The following MACROD1 variants were observed in gnomAD, a reference collection of about 807,000 sequenced individuals.
MACROD1 encodes the protein ADP-ribose glycohydrolase MACROD1.
A neutral mutation model predicts 41.4 loss-of-function variants in MACROD1; 31 were observed. The ratio of observed to expected loss-of-function variants is 0.75; its 90% CI spans 0.56 to 1.01. MACROD1 has a LOEUF of 1.01. Ranked by LOEUF, MACROD1 falls within the 50% of genes least tolerant of loss-of-function variation. The probability of loss-of-function intolerance (pLI) is 0.00; values close to 1 mark genes in which losing one functional copy is unlikely to be tolerated. For missense variants in MACROD1, 473 were observed against 460.0 expected (o/e 1.03, Z -0.26); for synonymous variants, 252 against 203.4 (o/e 1.24, Z -2.03).
intron 1 of MACROD1, among the ~76,000 whole-genome samples, chr11:64,155,832 G>A (rs1430741705): frequency 6.6e-6 from 1 of 151,958 alleles, no homozygotes; most frequent in Non-Finnish European, 1.5e-5. Flanking sequence ...TGAGCGGCCG[G>A]GCATGGTGGC....
At chr11:64,109,183 C>T (rs937244005) in intron 3 of MACROD1, among the ~76,000 whole-genome samples, 1 of 152,086 alleles carries the variant, frequency 6.6e-6, no homozygotes, top group African/African-American at 2.4e-5. Flanking sequence ...TCCAGAAGCT[C>T]CTGGGACATG....
intron 3 of MACROD1, among the ~76,000 whole-genome samples, chr11:64,047,136 A>G (rs938608093): frequency 2.6e-5 from 4 of 151,700 alleles, no homozygotes; most frequent in Admixed American, 2.0e-4. Context: ...TGGCTGCCTC[A>G]TGAAAGGCGG....
At chr11:64,047,042 C>T (rs1248914003) in intron 3 of MACROD1, among the ~76,000 whole-genome samples, 4 of 151,070 alleles carry the variant, frequency 2.6e-5, no homozygotes, top group Admixed American at 2.0e-4. Context: ...CGCCCCAGTG[C>T]CCCCCCCGGC....
intron 3 of MACROD1, among the ~76,000 whole-genome samples, chr11:64,053,639 G>A (rs1444412391): frequency 6.6e-6 from 1 of 152,162 alleles, no homozygotes; most frequent in Non-Finnish European, 1.5e-5. Context: ...TCTACAGGGG[G>A]CAGCTGGCTC....
At chr11:64,134,962 G>A (rs2134666276) in intron 3 of MACROD1, among the ~76,000 whole-genome samples, 1 of 152,336 alleles carries the variant, frequency 6.6e-6, no homozygotes, top group African/African-American at 2.4e-5. Flanking sequence ...AGATTTGTGT[G>A]GGTTGCTGGG....
chr11:64,023,179 A>T (rs964361684), intron 3 of MACROD1, among the ~76,000 whole-genome samples: 1 of 152,124 alleles, frequency 6.6e-6, no homozygotes, highest in Non-Finnish European at 1.5e-5. Flanking sequence ...ATCTTTGACC[A>T]TCATCTTTGC....
In MACROD1 at chr11:64,117,607, C is replaced by T. The variant is rs779400742; in HGVS notation, c.517+33632G>A. On this transcript the variant is annotated intron_variant, in intron 3 of 10. Coordinates refer to ENST00000255681, the MANE Select transcript of MACROD1 (RefSeq NM_014067.4). Reference sequence around the variant, plus strand: ...CTGGCCATCCACGTGAAGGCCCTGACGGCAGACTCCATCCGCATCACGTGG... The same window carrying T: ...CTGGCCATCCACGTGAAGGCCCTGATGGCAGACTCCATCCGCATCACGTGG... 7 of 1,613,568 alleles carry T rather than the reference C, an allele frequency of 4.3e-6. No homozygotes were observed. The highest frequency in any genetic ancestry group is 3.3e-5 in the Admixed American group (2 of 59,992).
intron 3 of MACROD1, among the ~76,000 whole-genome samples, chr11:64,069,081 G>A (rs550407403): frequency 4.0e-4 from 61 of 152,314 alleles, no homozygotes; most frequent in Non-Finnish European, 5.9e-4. Flanking sequence ...ATGGGGGCAG[G>A]AGAAGGAGCC....
chr11:64,141,541 T>C (rs1945414225), intron 3 of MACROD1, among the ~76,000 whole-genome samples: 1 of 152,224 alleles, frequency 6.6e-6, no homozygotes, highest in South Asian at 2.1e-4. Flanking sequence ...GCCAAGGAAC[T>C]GGCGGATCAT....
intron 1 of MACROD1, 108 bp downstream of exon 1, chr11:64,165,581 TCAACTTCC>T (rs1193559213): frequency 1.0e-6 from 1 of 967,400 alleles, no homozygotes; most frequent in African/African-American, 1.7e-5. Flanking sequence ...AGATGGGGCC[TCAACTTCC>T]CCAGGTCTCT....
chr11:64,097,827 G>A (rs997171000), intron 3 of MACROD1, among the ~76,000 whole-genome samples: 1 of 152,178 alleles, frequency 6.6e-6, no homozygotes, highest in African/African-American at 2.4e-5. Context: ...TCAGGCCTGG[G>A]GCTGCAGGCT....
chr11:64,047,857 A>ATT (rs1943613545), intron 3 of MACROD1, among the ~76,000 whole-genome samples: 1 of 148,410 alleles, frequency 6.7e-6, no homozygotes, highest in Non-Finnish European at 1.5e-5. Flanking sequence ...AGATCGTGCC[A>ATT]TTGCACTCCA....
intron 3 of MACROD1, among the ~76,000 whole-genome samples, chr11:64,126,654 G>A (rs922180919): frequency 2.0e-5 from 3 of 152,112 alleles, no homozygotes; most frequent in Admixed American, 1.3e-4. Flanking sequence ...GAGGAGACCA[G>A]GGAGGGGTCC....
chr11:64,037,728 C>A (rs1008892437), intron 3 of MACROD1, among the ~76,000 whole-genome samples: 1 of 152,164 alleles, frequency 6.6e-6, no homozygotes, highest in East Asian at 1.9e-4. Context: ...AGCACCCTGA[C>A]CCCAGCATGG....
intron 3 of MACROD1, among the ~76,000 whole-genome samples, chr11:64,025,640 G>A (rs1167365390): frequency 1.3e-5 from 2 of 151,866 alleles, no homozygotes; most frequent in Non-Finnish European, 2.9e-5. Flanking sequence ...GGGAGCTCCC[G>A]GTTTGCTGTT....
Position 64,117,095 on chromosome 11 carries a change from C to T in MACROD1, c.517+34144G>A, listed in dbSNP as rs1391188230. 5 of 1,605,174 alleles carry T rather than the reference C, an allele frequency of 3.1e-6. No homozygotes were observed. In the South Asian group the frequency reaches 3.3e-5, roughly 11 times the overall value. On this transcript the variant is annotated intron_variant, in intron 3 of 10. Transcript: ENST00000255681. Reference sequence around the variant, plus strand: ...CCAGCGCCCACCTGCAGAAGCTCTACCTGCAGGACAATGCCATCAGCCACA... The same window carrying T: ...CCAGCGCCCACCTGCAGAAGCTCTATCTGCAGGACAATGCCATCAGCCACA...
chr11:64,014,206 C>G (rs372980072), intron 4 of MACROD1, among the ~76,000 whole-genome samples: 72 of 152,160 alleles, frequency 4.7e-4, no homozygotes, highest in African/African-American at 1.6e-3. Flanking sequence ...TCCAAAAGGA[C>G]AGGCTTCGGA....
chr11:64,000,157 C>G lies in MACROD1; in HGVS notation c.664+70G>C, dbSNP rs320152. On this transcript the variant is annotated intron_variant, in intron 5 of 10. Transcript: ENST00000255681. ...CCCCAGCACTCCTGTGGGGGCCGCACCCCTGATGTCCCAGTGACACACGGG... is the reference window on the plus strand; with the variant it reads ...CCCCAGCACTCCTGTGGGGGCCGCAGCCCTGATGTCCCAGTGACACACGGG... 4,421 of 1,284,162 alleles carry G rather than the reference C, an allele frequency of 3.4e-3. 105 individuals carry two copies. The African/African-American group carries it at 0.053, about 15-fold the overall frequency. 79.5% of individuals were successfully genotyped at this position (1,284,162 alleles called of 1,614,324 possible).
intron 3 of MACROD1, chr11:64,086,822 G>A (rs933396263): frequency 1.1e-4 from 16 of 152,342 alleles, no homozygotes; most frequent in African/African-American, 3.9e-4. Context: ...ACTAGCCCGT[G>A]ACTTCCACAG....
Sources: allele counts gnomAD v4.1 joint callset (sites outside exome capture counted in the v4.1 genomes callset), GRCh38; gene constraint gnomAD v4.1.1; transcripts MANE v1.5; gene names NCBI Gene and HGNC (gene_info 2026-07-23, HGNC 2026-07-21).